TMEM179: variants seen among roughly 807,000 people sequenced by gnomAD.
TMEM179 encodes transmembrane protein 179, also known as transmembrane protein 179A.
In TMEM179, 17 loss-of-function variants were observed where a neutral mutation model predicts 22.2. That is an observed-to-expected ratio of 0.77 (90% CI 0.52 to 1.15). The LOEUF (loss-of-function observed/expected upper bound fraction) is 1.15. TMEM179 is among the 50% of genes most tolerant of loss of function. The pLI is 0.00. For synonymous variants in TMEM179, 127 were observed against 140.5 expected, an observed-to-expected ratio of 0.90 and a Z score of 0.68; for missense variants, 265 against 313.6, an observed-to-expected ratio of 0.84 and a Z score of 1.17.
chr14:104,595,030 G>A lies in TMEM179; in HGVS notation c.522+135C>T. ...GCCTTCCCGACTGCTCCCACTGCCT[G>A]GTCCCATTGCTAACTACCTTATCCA... On this transcript the variant is annotated intron_variant, in intron 3 of 3. Transcript: ENST00000556573. The surrounding 1 kb of genome is among the most constrained non-coding windows in gnomAD (Gnocchi z 5.7). 6.5e-7 allele frequency: 1 copy of A among 1,529,680 alleles called. No homozygotes were observed. Among genetic ancestry groups the A allele is most frequent in the South Asian group, 1.3e-5 (1 of 77,076 alleles). The allele number at this position is 1,529,680 out of a possible 1,614,324, so 94.8% of individuals were successfully genotyped here. A position where few individuals can be genotyped will look rare whatever the true frequency, so the allele number is the denominator to read the frequency against.
At chr14:104,601,775 C>A (rs1459154256) in intron 1 of TMEM179, among the ~76,000 whole-genome samples, 2 of 152,178 alleles carry the variant, frequency 1.3e-5, no homozygotes. Context: ...CTGAAATGCT[C>A]CGCCACAGGC....
At chr14:104,596,277 G>A (rs1887019114) in intron 2 of TMEM179, among the ~76,000 whole-genome samples, 1 of 152,220 alleles carries the variant, frequency 6.6e-6, no homozygotes, top group African/African-American at 2.4e-5. Flanking sequence ...CCAGGGTTTT[G>A]GCCTGGGGCA....
chr14:104,602,485 C>T (rs1596301186), intron 1 of TMEM179, among the ~76,000 whole-genome samples: 2 of 152,218 alleles, frequency 1.3e-5, no homozygotes, highest in African/African-American at 2.4e-5. Flanking sequence ...GGACCTCAAG[C>T]GTTGGGAGGC....
At chr14:104,594,816 C>T (rs1454666317) in intron 3 of TMEM179, 1 of 1,259,166 alleles carries the variant, frequency 7.9e-7, no homozygotes, top group African/African-American at 1.5e-5. Context: ...AAGTCCAAAG[C>T]CCTTGTCCCT....
At position 104,591,381 on chromosome 14, in the gene TMEM179, C is replaced by T. The variant is rs1886840135; in HGVS notation, c.*2098G>A. ...AGAGGGTGAGGCAGGAGCCACCCCA[C>T]CTTCTGCTGGGGACACAGACAAGGA... On this transcript the variant is annotated 3_prime_UTR_variant, in exon 4 of 4. Coordinates refer to ENST00000556573, the MANE Select transcript of TMEM179 (RefSeq NM_001286389.2). 2.9e-5 allele frequency: 13 copies of T among 455,886 alleles called. No individual in the cohort carries two copies. Among genetic ancestry groups the T allele is most frequent in the South Asian group, 1.1e-4 (7 of 64,556 alleles). 28.2% of individuals were successfully genotyped at this position (455,886 alleles called of 1,614,324 possible).
At chr14:104,594,647 C>A (rs995649093) in intron 3 of TMEM179, 1 of 1,219,520 alleles carries the variant, frequency 8.2e-7, no homozygotes, top group Non-Finnish European at 1.0e-6. Context: ...TCCTAGGGGG[C>A]GGGGGACGCA....
At chr14:104,598,459 A>G (rs908506415) in intron 1 of TMEM179, among the ~76,000 whole-genome samples, 1 of 152,254 alleles carries the variant, frequency 6.6e-6, no homozygotes, top group Non-Finnish European at 1.5e-5. Context: ...TCAGCCAAGA[A>G]AACATCAACG....
At chr14:104,594,220 C>T in intron 3 of TMEM179, 1 of 1,231,872 alleles carries the variant, frequency 8.1e-7, no homozygotes, top group Non-Finnish European at 1.0e-6. Context: ...GAGGCCTCTT[C>T]CACTCACTAA....
Position 104,595,050 on chromosome 14 carries a change from T to A in TMEM179, c.522+115A>T. The A allele has an allele frequency of 1.9e-6, 3 of 1,565,698 alleles. No homozygotes were observed. The highest frequency in any genetic ancestry group is 2.6e-6 in the Non-Finnish European group (3 of 1,154,064). On this transcript the variant is annotated intron_variant, in intron 3 of 3. Coordinates refer to ENST00000556573, the MANE Select transcript of TMEM179 (RefSeq NM_001286389.2). The surrounding 1 kb of genome is among the most constrained non-coding windows in gnomAD (Gnocchi z 5.7). ...TGCCTGGTCCCATTGCTAACTACCT[T>A]ATCCACACAGGAGCCTGCCTCCTCC...
In TMEM179 at chr14:104,604,759, G is replaced by C. The variant is rs1887369940; in HGVS notation, c.-18C>G. The C allele has an allele frequency of 6.6e-7, 1 of 1,504,698 alleles. No homozygotes were observed. 93.2% of individuals were successfully genotyped at this position (1,504,698 alleles called of 1,614,324 possible). On this transcript the variant is annotated 5_prime_UTR_variant, in exon 1 of 4. Coordinates refer to ENST00000556573, the MANE Select transcript of TMEM179 (RefSeq NM_001286389.2). This position sits in a 1 kb window ranked among gnomAD's most constrained non-coding sequence, Gnocchi z 4.6. ...AGCGCCATGGCCGGCCCGGGCGAGA[G>C]CGGCGGCGGGAAGGCCGCGGGAGGC...
In TMEM179 at chr14:104,595,186, G is replaced by A. The variant is rs567372599; in HGVS notation, c.501C>T (p.Tyr167=). 148 of 1,613,726 alleles carry A rather than the reference G, an allele frequency of 9.2e-5. No homozygotes were observed. Among genetic ancestry groups the A allele is most frequent in the Non-Finnish European group, 1.2e-4 (138 of 1,179,986 alleles). Residue 167 remains tyrosine (Y), a synonymous_variant, in exon 3 of 4, where the codon TAC becomes TAT. Transcript: ENST00000556573. This position sits in a 1 kb window ranked among gnomAD's most constrained non-coding sequence, Gnocchi z 5.7. ...LELGVDNSAF[Y]DQFAIAQFGL... ...CTACCTGGGCAATTGCAAACTGATC[G>A]TAGAAGGCGGAGTTGTCCACGCCCA...
At position 104,604,470 on chromosome 14, in the gene TMEM179, C is replaced by T; in HGVS notation, c.272G>A (p.Arg91His). The T allele has an allele frequency of 6.3e-7, 1 of 1,581,026 alleles. No homozygotes were observed. Among genetic ancestry groups the T allele is most frequent in the Non-Finnish European group, 8.6e-7 (1 of 1,167,782 alleles). Residue 91 changes from arginine (R) to histidine (H), a missense_variant, in exon 1 of 4, where the codon CGC becomes CAC. Physicochemically the swap from Arg to His is conservative, Grantham distance 29. Transcript: ENST00000556573. This position sits in a 1 kb window ranked among gnomAD's most constrained non-coding sequence, Gnocchi z 4.6. ...TCCCTTGCAGAGGAAGAAGAGCGTGCGCCAGGCGTGCGCGGCGGCCAGCAG... is the reference window on the plus strand; with the variant it reads ...TCCCTTGCAGAGGAAGAAGAGCGTGTGCCAGGCGTGCGCGGCGGCCAGCAG... ...SLLLAAAHAW[R>H]TLFFLCKGHE...
intron 1 of TMEM179, among the ~76,000 whole-genome samples, chr14:104,598,850 C>G (rs1887138472): frequency 6.6e-6 from 1 of 152,202 alleles, no homozygotes; most frequent in Non-Finnish European, 1.5e-5. Flanking sequence ...GGAGAGGACA[C>G]AGGGACACTC....
In TMEM179 at chr14:104,597,059, C is replaced by T. The variant is rs1451421157; in HGVS notation, c.374G>A (p.Ser125Asn). ...AFVVFLVFIA[S>N]TIVSVGFTMW... is the part of the protein sequence containing the mutation. The stretch of plus-strand genomic sequence containing the variant: ...GGTGAAGCCCACGCTCACGATGGTG[C>T]TGGCAATGAAGACCAGGAAGACCAC... Residue 125 changes from serine to asparagine, a missense_variant, in exon 2 of 4, where the codon AGC (serine) becomes AAC (asparagine). By Grantham distance (46) the Ser-to-Asn change is conservative. Transcript: ENST00000556573. This position sits in a 1 kb window ranked among gnomAD's most constrained non-coding sequence, Gnocchi z 4.8. 3 of 1,609,684 alleles carry T rather than the reference C, an allele frequency of 1.9e-6. No individual in the cohort carries two copies. The African/African-American group carries it at 4.0e-5, about 22-fold the overall frequency.
At position 104,595,559 on chromosome 14, in the gene TMEM179, G is replaced by A. The variant is rs1221484695; in HGVS notation, c.444-316C>T. On this transcript the variant is annotated intron_variant, in intron 2 of 3. Transcript: ENST00000556573. The surrounding 1 kb of genome is among the most constrained non-coding windows in gnomAD (Gnocchi z 5.7). ...ACACTCTGAGGATCACGGGGTCTCAGAGGCCAGGCCCCTCCCTGTCCTGAC... is the reference window on the plus strand; with the variant it reads ...ACACTCTGAGGATCACGGGGTCTCAAAGGCCAGGCCCCTCCCTGTCCTGAC... Among the ~76,000 whole-genome samples the A allele has an allele frequency of 6.6e-6, 1 of 151,624 alleles. No individual in the cohort carries two copies. The highest frequency in any genetic ancestry group is 1.5e-5 in the Non-Finnish European group (1 of 67,852).
At position 104,604,760 on chromosome 14, in the gene TMEM179, C is replaced by G; in HGVS notation, c.-19G>C. The G allele has an allele frequency of 6.7e-7, 1 of 1,499,686 alleles. No individual in the cohort carries two copies. Among genetic ancestry groups the G allele is most frequent in the Non-Finnish European group, 8.9e-7 (1 of 1,128,258 alleles). The allele number at this position is 1,499,686 out of a possible 1,614,324, so 92.9% of individuals were successfully genotyped here. The stretch of plus-strand genomic sequence containing the variant: ...GCGCCATGGCCGGCCCGGGCGAGAG[C>G]GGCGGCGGGAAGGCCGCGGGAGGCT... On this transcript the variant is annotated 5_prime_UTR_variant, in exon 1 of 4. Coordinates refer to ENST00000556573, the MANE Select transcript of TMEM179 (RefSeq NM_001286389.2). The surrounding 1 kb of genome is among the most constrained non-coding windows in gnomAD (Gnocchi z 4.6).
chr14:104,596,043 A>AC (rs1887011540), intron 2 of TMEM179, among the ~76,000 whole-genome samples: 1 of 152,248 alleles, frequency 6.6e-6, no homozygotes, highest in South Asian at 2.1e-4. Flanking sequence ...GGGACAGTGC[A>AC]CGATGAGGCA....
intron 2 of TMEM179, 105 bp downstream of exon 2, chr14:104,596,885 G>A: frequency 1.4e-6 from 2 of 1,448,524 alleles, no homozygotes; most frequent in South Asian, 1.3e-5. Context: ...AGGGACCGCA[G>A]ACTCAGGATG....
Position 104,597,865 on chromosome 14 carries a change from T to A in TMEM179, c.306-738A>T, listed in dbSNP as rs563072773. On this transcript the variant is annotated intron_variant, in intron 1 of 3. Coordinates refer to ENST00000556573, the MANE Select transcript of TMEM179 (RefSeq NM_001286389.2). The surrounding 1 kb of genome is among the most constrained non-coding windows in gnomAD (Gnocchi z 4.8). ...ACTTGCTTGATGGGCCAGCTCTGAT[T>A]TATCCATTTAAACTTAAAAGGCCAG... 8.5e-5 allele frequency among the ~76,000 whole-genome samples: 13 copies of A among 152,316 alleles called. No individual in the cohort carries two copies. Among genetic ancestry groups the A allele is most frequent in the African/African-American group, 3.1e-4 (13 of 41,570 alleles).
Sources: allele counts gnomAD v4.1 joint callset (sites outside exome capture counted in the v4.1 genomes callset), GRCh38; gene constraint gnomAD v4.1.1; non-coding constraint Gnocchi (gnomAD v3.1); transcripts MANE v1.5; gene names NCBI Gene and HGNC (gene_info 2026-07-23, HGNC 2026-07-21).